KYNU: variants seen among roughly 807,000 people sequenced by gnomAD.
KYNU encodes the protein L-kynurenine hydrolase.
Under a neutral mutation model 59.2 loss-of-function variants are expected in KYNU, and 54 were observed. The ratio of observed to expected loss-of-function variants is 0.91; its 90% confidence interval spans 0.73 to 1.14. The LOEUF (loss-of-function observed/expected upper bound fraction) is 1.14. Ranked by LOEUF, KYNU falls within the 50% of genes most tolerant of loss-of-function variation. The pLI is 0.00. For missense variants in KYNU, 567 were observed against 554.4 expected, an observed-to-expected ratio of 1.02 and a Z score of -0.23; for synonymous variants, 177 against 192.0, an observed-to-expected ratio of 0.92 and a Z score of 0.65.
rs1268847527 is a variant in KYNU, at chr2:142,920,756, TC to T, written c.290+2029del. ...TCTAAGCAAATGGACATCTATTCCATCCTCGCTTTGTTTATTTTAGTCTTCT... is the reference window on the plus strand; with the variant it reads ...TCTAAGCAAATGGACATCTATTCCATCTCGCTTTGTTTATTTTAGTCTTCT... On this transcript the variant is annotated intron_variant, in intron 3 of 13. Coordinates refer to ENST00000264170, the MANE Select transcript of KYNU (RefSeq NM_003937.3). 5.9e-5 allele frequency among the ~76,000 whole-genome samples: 9 copies of T among 152,298 alleles called. No individual in the cohort carries two copies. In the East Asian group the frequency reaches 1.5e-3, roughly 26 times the overall value.
At chr2:143,036,778 C>G (rs1239894600) in intron 12 of KYNU, among the ~76,000 whole-genome samples, 4 of 152,218 alleles carry the variant, frequency 2.6e-5, no homozygotes, top group Non-Finnish European at 4.4e-5. Context: ...AACCACTGCA[C>G]TCAGCCACCT....
chr2:142,943,463 T>G (rs1395723344), intron 4 of KYNU, among the ~76,000 whole-genome samples: 1 of 152,124 alleles, frequency 6.6e-6, no homozygotes, highest in African/African-American at 2.4e-5. Context: ...AAATTCAATT[T>G]CAGATGAGAA....
chr2:143,032,711 T>TTGTGTGTGTGTGTGTGTGTGTGTGTGTG lies in KYNU; in HGVS notation c.956-521_956-494dup, dbSNP rs61062901. ...GATCTTTTTTTTAAAGCTCCCTCTATTGTGTGTGTGTGTGTGTGTGTGTGT... is the reference window on the plus strand; with the variant it reads ...GATCTTTTTTTTAAAGCTCCCTCTATTGTGTGTGTGTGTGTGTGTGTGTGTGTGTGTGTGTGTGTGTGTGTGTGTGTGT... On this transcript the variant is annotated intron_variant, in intron 11 of 13. Coordinates refer to ENST00000264170, the MANE Select transcript of KYNU (RefSeq NM_003937.3). 9.8e-4 allele frequency among the ~76,000 whole-genome samples: 127 copies of TTGTGTGTGTGTGTGTGTGTGTGTGTGTG among 129,452 alleles called. 4 individuals are homozygous for TTGTGTGTGTGTGTGTGTGTGTGTGTGTG. Among genetic ancestry groups the TTGTGTGTGTGTGTGTGTGTGTGTGTGTG allele is most frequent in the Non-Finnish European group, 1.5e-3 (96 of 62,106 alleles). 84.9% of individuals were successfully genotyped at this position (129,452 alleles called of 152,430 possible).
At position 142,968,428 on chromosome 2, in the gene KYNU, A is replaced by C. The variant is rs540588066; in HGVS notation, c.729+7658A>C. Among the ~76,000 whole-genome samples, 233 of 152,316 alleles carry C rather than the reference A, an allele frequency of 1.5e-3. 1 individual carries two copies. The highest frequency in any genetic ancestry group is 5.4e-3 in the African/African-American group (225 of 41,558). On this transcript the variant is annotated intron_variant, in intron 8 of 13. Transcript: ENST00000264170. ...ATAAAGCAGACCAAAGGCCAACTAAAGAAGGTCCCACTAAGCCATTTAGCT... is the reference window on the plus strand; with the variant it reads ...ATAAAGCAGACCAAAGGCCAACTAACGAAGGTCCCACTAAGCCATTTAGCT...
At position 142,938,394 on chromosome 2, in the gene KYNU, G is replaced by A. The variant is rs376553293; in HGVS notation, c.373+10653G>A. ...CTCAGAGATACTCCACCGCAGCCAC[G>A]TGGTGGAAGAAGATTTATGGACAGA... On this transcript the variant is annotated intron_variant, in intron 4 of 13. Coordinates refer to ENST00000264170, the MANE Select transcript of KYNU (RefSeq NM_003937.3). Among the ~76,000 whole-genome samples the A allele has an allele frequency of 4.4e-4, 67 of 152,324 alleles. No individual in the cohort carries two copies. In the South Asian group the frequency reaches 0.013, roughly 29 times the overall value.
intron 10 of KYNU, among the ~76,000 whole-genome samples, chr2:142,999,374 G>A (rs1685644359): frequency 6.6e-6 from 1 of 152,066 alleles, no homozygotes; most frequent in Non-Finnish European, 1.5e-5. Flanking sequence ...ATGGTGTCTG[G>A]CTTATAATAA....
chr2:142,988,733 C>T, intron 10 of KYNU: 1 of 831,750 alleles, frequency 1.2e-6, no homozygotes, highest in Non-Finnish European at 2.1e-6. Context: ...TTTTCTCACA[C>T]TCCTAAGCTT....
intron 2 of KYNU, among the ~76,000 whole-genome samples, chr2:142,906,112 T>C (rs555802654): frequency 1.1e-4 from 16 of 152,140 alleles, no homozygotes; most frequent in African/African-American, 3.9e-4. Context: ...TCTCTCTCTG[T>C]CTCCTCTCTG....
intron 2 of KYNU, among the ~76,000 whole-genome samples, chr2:142,898,607 T>C (rs1681964206): frequency 6.6e-6 from 1 of 152,186 alleles, no homozygotes; most frequent in Non-Finnish European, 1.5e-5. Flanking sequence ...ATTCCAAAAA[T>C]AAACATTAAT....
intron 8 of KYNU, among the ~76,000 whole-genome samples, chr2:142,975,926 A>G (rs1268379088): frequency 6.6e-6 from 1 of 152,114 alleles, no homozygotes; most frequent in East Asian, 1.9e-4. Flanking sequence ...TTTTCTCATG[A>G]TACCCATTTT....
At chr2:142,927,883 C>G in intron 4 of KYNU, 142 bp downstream of exon 4, 1 of 621,260 alleles carries the variant, frequency 1.6e-6, no homozygotes, top group African/African-American at 1.8e-5. Flanking sequence ...AAAGGAAGTA[C>G]ACTTTCAACT....
At chr2:142,918,766 A>G (rs757708215) in intron 3 of KYNU, 37 bp downstream of exon 3, 1 of 1,592,292 alleles carries the variant, frequency 6.3e-7, no homozygotes, top group Non-Finnish European at 8.6e-7. Flanking sequence ...TCTACATCTC[A>G]TACAAAAATT....
chr2:142,961,275 C>CTTTTTTTTTTT (rs1156276566), intron 8 of KYNU, among the ~76,000 whole-genome samples: 32 of 94,430 alleles, frequency 3.4e-4, no homozygotes, highest in Admixed American at 4.7e-4. Context: ...ATTTAAACTG[C>CTTTTTTTTTTT]TTTTTTTTTT....
intron 1 of KYNU, among the ~76,000 whole-genome samples, chr2:142,884,878 A>G (rs961153466): frequency 7.1e-6 from 1 of 140,606 alleles, no homozygotes; most frequent in Non-Finnish European, 1.5e-5. Flanking sequence ...CCTTTTCCCA[A>G]CCTCAGGAAT....
At chr2:142,907,735 T>C (rs937086163) in intron 2 of KYNU, among the ~76,000 whole-genome samples, 4 of 152,240 alleles carry the variant, frequency 2.6e-5, no homozygotes, top group Non-Finnish European at 4.4e-5. Context: ...CTTTACCTCC[T>C]TCTTTTAGCC....
intron 4 of KYNU, among the ~76,000 whole-genome samples, chr2:142,943,013 G>T (rs1683651818): frequency 6.6e-6 from 1 of 152,096 alleles, no homozygotes. Flanking sequence ...TAATGTACAT[G>T]CTTGAGCCCA....
chr2:142,939,753 A>G (rs1043314017), intron 4 of KYNU, among the ~76,000 whole-genome samples: 7 of 152,196 alleles, frequency 4.6e-5, no homozygotes, highest in Admixed American at 2.0e-4. Context: ...GTAAATAGAA[A>G]TCTGCATAGA....
At chr2:143,014,145 A>G (rs544909243) in intron 10 of KYNU, among the ~76,000 whole-genome samples, 1 of 152,344 alleles carries the variant, frequency 6.6e-6, no homozygotes, top group Non-Finnish European at 1.5e-5. Context: ...AATTTGGGGC[A>G]TGAAGAAATT....
chr2:142,891,096 C>T (rs1681695521), intron 2 of KYNU, among the ~76,000 whole-genome samples: 1 of 152,112 alleles, frequency 6.6e-6, no homozygotes, highest in South Asian at 2.1e-4. Flanking sequence ...AATATTGTGA[C>T]TGCTAGCCCA....
Sources: gnomAD v4.1 joint callset for allele counts (sites outside exome capture counted in the v4.1 genomes callset) on GRCh38, gnomAD v4.1.1 for gene constraint, MANE v1.5 for transcripts, NCBI Gene and HGNC (gene_info 2026-07-23, HGNC 2026-07-21) for gene names.